The following CDH13 variants were observed in gnomAD, a reference collection of about 807,000 sequenced individuals.
The protein encoded by CDH13 is cadherin 13, also known as cadherin-13.
Under a neutral mutation model 63.8 loss-of-function variants are expected in CDH13, and 24 were observed. That is an observed-to-expected ratio of 0.38 (90% CI 0.27 to 0.53). CDH13 has a LOEUF of 0.53. CDH13 is among the 20% of genes least tolerant of loss of function. The pLI, the probability that CDH13 is intolerant of heterozygous loss-of-function variation, is 0.85. For missense variants in CDH13, 1,049 were observed against 903.1 expected, an observed-to-expected ratio of 1.16 and a Z score of -2.07; for synonymous variants, 503 against 355.3, an observed-to-expected ratio of 1.42 and a Z score of -4.67.
chr16:83,515,557 C>G (rs2074680877), intron 7 of CDH13, among the ~76,000 whole-genome samples: 1 of 152,172 alleles, frequency 6.6e-6, no homozygotes, highest in Non-Finnish European at 1.5e-5. Context: ...GGTTTAGATT[C>G]ACTGGGGTGA....
At chr16:83,675,505 C>T (rs1914880189) in intron 9 of CDH13, among the ~76,000 whole-genome samples, 1 of 152,174 alleles carries the variant, frequency 6.6e-6, no homozygotes, top group South Asian at 2.1e-4. Context: ...AACACTGGGG[C>T]CGGGGAAATG....
At chr16:83,751,058 T>A (rs1913041397) in intron 11 of CDH13, among the ~76,000 whole-genome samples, 1 of 151,584 alleles carries the variant, frequency 6.6e-6, no homozygotes, top group Non-Finnish European at 1.5e-5. Context: ...TAGTGGAAGC[T>A]AGCATGGCAG....
intron 1 of CDH13, among the ~76,000 whole-genome samples, chr16:82,709,539 C>T (rs1472443845): frequency 3.3e-5 from 5 of 152,148 alleles, no homozygotes; most frequent in African/African-American, 9.7e-5. Flanking sequence ...GTTTCTGTTA[C>T]TTCATCTGAA....
intron 5 of CDH13, among the ~76,000 whole-genome samples, chr16:83,320,226 G>C (rs1486560541): frequency 6.8e-6 from 1 of 147,028 alleles, no homozygotes; most frequent in Non-Finnish European, 1.5e-5. Context: ...TTTTTTTTTT[G>C]GTAGAAACAG....
chr16:83,643,684 C>A (rs1000671145), intron 8 of CDH13, among the ~76,000 whole-genome samples: 2 of 152,100 alleles, frequency 1.3e-5, no homozygotes, highest in African/African-American at 4.8e-5. Context: ...GTTTAGTAAT[C>A]CAAGTCAGTT....
chr16:83,466,599 C>T (rs1335292142), intron 6 of CDH13, among the ~76,000 whole-genome samples: 2 of 152,236 alleles, frequency 1.3e-5, no homozygotes, highest in Non-Finnish European at 2.9e-5. Flanking sequence ...ACCCAAAACT[C>T]AGGGCCTCAA....
rs538277056 is a variant in CDH13, at chr16:83,176,941, C to T, written c.484-40404C>T. Among the ~76,000 whole-genome samples the T allele has an allele frequency of 8.8e-4, 134 of 152,168 alleles. No homozygotes were observed. The Middle Eastern group carries it at 0.02, about 23-fold the overall frequency. ...CCAAACTATGAGCAGGAGAATGTCACCCTAGGAATGGCAACTAGAAAGTTT... is the reference window on the plus strand; with the variant it reads ...CCAAACTATGAGCAGGAGAATGTCATCCTAGGAATGGCAACTAGAAAGTTT... On this transcript the variant is annotated intron_variant, in intron 4 of 13. Transcript: ENST00000567109.
chr16:83,462,379 C>A (rs1028029191), intron 6 of CDH13, among the ~76,000 whole-genome samples: 13 of 152,234 alleles, frequency 8.5e-5, no homozygotes, highest in Admixed American at 4.6e-4. Context: ...GCTTATCTTC[C>A]TTTCTCTGAA....
At chr16:83,614,350 T>G (rs1909109905) in intron 8 of CDH13, among the ~76,000 whole-genome samples, 1 of 152,190 alleles carries the variant, frequency 6.6e-6, no homozygotes, top group African/African-American at 2.4e-5. Flanking sequence ...TCTGGTATGT[T>G]TCCAGGGCTC....
intron 10 of CDH13, chr16:83,725,508 G>C (rs1348721098): frequency 6.6e-6 from 1 of 152,460 alleles, no homozygotes; most frequent in Non-Finnish European, 1.5e-5. Flanking sequence ...CTCTGCCGGG[G>C]GCAAGCGGTA....
chr16:83,063,426 C>G (rs1184252539), intron 3 of CDH13, among the ~76,000 whole-genome samples: 1 of 152,182 alleles, frequency 6.6e-6, no homozygotes, highest in Non-Finnish European at 1.5e-5. Flanking sequence ...ATAGATTCAG[C>G]TCTTCATGAA....
Position 83,376,078 on chromosome 16 carries a change from C to G in CDH13, c.781+31072C>G, listed in dbSNP as rs139898613. ...TGTGAAGAATCTTTCTTACTTATTC[C>G]TTGGCTCTGCTTTTCTCTGGGATAG... On this transcript the variant is annotated intron_variant, in intron 6 of 13. Transcript: ENST00000567109. Among the ~76,000 whole-genome samples, 377 of 152,238 alleles carry G rather than the reference C, an allele frequency of 2.5e-3. 2 individuals carry two copies. The highest frequency in any genetic ancestry group is 8.5e-3 in the African/African-American group (352 of 41,544).
intron 6 of CDH13, among the ~76,000 whole-genome samples, chr16:83,417,298 T>C (rs955138590): frequency 6.6e-6 from 1 of 152,184 alleles, no homozygotes; most frequent in African/African-American, 2.4e-5. Flanking sequence ...AGCCTCCCTT[T>C]CCGGTTTTCT....
rs572352387 is a variant in CDH13 at position 83,479,599 on chromosome 16, G to C, written c.782-6878G>C. ...ATGAACCCGGGAGGCGGAGCTTGCAGTGAGCCAAGATTGCACCACTGCACT... is the reference window on the plus strand; with the variant it reads ...ATGAACCCGGGAGGCGGAGCTTGCACTGAGCCAAGATTGCACCACTGCACT... On this transcript the variant is annotated intron_variant, in intron 6 of 13. Transcript: ENST00000567109. Among the ~76,000 whole-genome samples the C allele has an allele frequency of 1.4e-3, 206 of 152,270 alleles. 4 individuals are homozygous for C. The South Asian group carries it at 0.04, about 29-fold the overall frequency.
chr16:83,155,333 C>T (rs1010379406), intron 4 of CDH13, among the ~76,000 whole-genome samples: 3 of 152,132 alleles, frequency 2.0e-5, no homozygotes, highest in African/African-American at 7.2e-5. Flanking sequence ...TTGAAAGTCC[C>T]TTAAATGGCC....
chr16:82,866,050 C>T (rs1037162330), intron 2 of CDH13, among the ~76,000 whole-genome samples: 4 of 152,166 alleles, frequency 2.6e-5, no homozygotes, highest in Non-Finnish European at 4.4e-5. Flanking sequence ...GGCAAAATGC[C>T]GCCAGTCTCT....
At chr16:83,363,099 A>G (rs1376094178) in intron 6 of CDH13, among the ~76,000 whole-genome samples, 1 of 152,258 alleles carries the variant, frequency 6.6e-6, no homozygotes, top group Non-Finnish European at 1.5e-5. Flanking sequence ...AACTGTAACC[A>G]GGAATCTAGA....
chr16:82,656,545 T>G (rs999597593), intron 1 of CDH13, among the ~76,000 whole-genome samples: 1 of 152,150 alleles, frequency 6.6e-6, no homozygotes, highest in African/African-American at 2.4e-5. Context: ...GAATGGTACA[T>G]TTGTTACAGT....
intron 1 of CDH13, among the ~76,000 whole-genome samples, chr16:82,748,962 T>C (rs753775486): frequency 5.9e-5 from 9 of 152,194 alleles, no homozygotes; most frequent in Non-Finnish European, 1.3e-4. Flanking sequence ...TCTAGACACA[T>C]TTATGACCAA....
Sources: allele counts gnomAD v4.1 joint callset (sites outside exome capture counted in the v4.1 genomes callset), GRCh38; gene constraint gnomAD v4.1.1; transcripts MANE v1.5; gene names NCBI Gene and HGNC (gene_info 2026-07-23, HGNC 2026-07-21).